Variants in CDH18 observed in about 807,000 individuals in gnomAD.
The protein encoded by CDH18 is cadherin 18.
CDH18 carries 31 observed loss-of-function variants against 67.9 expected under a neutral mutation model. The observed-to-expected ratio is 0.46, with a 90% CI of 0.34 to 0.62. The LOEUF (loss-of-function observed/expected upper bound fraction) is 0.62. Ranked by LOEUF, CDH18 falls within the 20% of genes least tolerant of loss-of-function variation. CDH18 has a pLI of 0.01. For missense variants in CDH18, 890 were observed against 975.5 expected, an observed-to-expected ratio of 0.91 and a Z score of 1.17; for synonymous variants, 362 against 347.2, an observed-to-expected ratio of 1.04 and a Z score of -0.48.
chr5:20,396,142 G>A (rs1046847016), intron 1 of CDH18, among the ~76,000 whole-genome samples: 1 of 152,174 alleles, frequency 6.6e-6, no homozygotes, highest in African/African-American at 2.4e-5. Context: ...AGAAGTACAG[G>A]TCACAACCTG....
intron 2 of CDH18, among the ~76,000 whole-genome samples, chr5:20,248,178 A>C (rs1016421867): frequency 6.6e-6 from 1 of 152,232 alleles, no homozygotes; most frequent in African/African-American, 2.4e-5. Flanking sequence ...GACTTAAAAT[A>C]CTGAGGTGAT....
At chr5:19,583,873 T>C (rs1743674992) in intron 7 of CDH18, among the ~76,000 whole-genome samples, 1 of 152,196 alleles carries the variant, frequency 6.6e-6, no homozygotes, top group Admixed American at 6.5e-5. Context: ...TCTTCAAGCA[T>C]CCTTTGTTGA....
At chr5:19,737,115 G>A (rs773840892) in intron 4 of CDH18, among the ~76,000 whole-genome samples, 3 of 152,076 alleles carry the variant, frequency 2.0e-5, no homozygotes, top group Non-Finnish European at 2.9e-5. Flanking sequence ...TTCTCTCTGC[G>A]TGATGTGCCC....
chr5:20,373,123 T>A (rs1205708729), intron 1 of CDH18, among the ~76,000 whole-genome samples: 3 of 152,210 alleles, frequency 2.0e-5, no homozygotes, highest in African/African-American at 7.2e-5. Context: ...CTCACCTTAG[T>A]CAAAGTTATA....
intron 1 of CDH18, among the ~76,000 whole-genome samples, chr5:20,271,924 CAG>C (rs201955881): frequency 4.5e-3 from 656 of 146,142 alleles, no homozygotes; most frequent in African/African-American, 5.7e-3. Flanking sequence ...TGTAGAGAGG[CAG>C]AGAGAGAGAG....
intron 2 of CDH18, among the ~76,000 whole-genome samples, chr5:20,242,636 A>ATATATATATATTTATATATATATG: frequency 1.7e-5 from 1 of 58,388 alleles, no homozygotes; most frequent in South Asian, 5.5e-4. Flanking sequence ...ATATATATGT[A>ATATATATATATTTATATATATATG]TATATATATA....
At chr5:20,043,317 T>A (rs1317210146) in intron 2 of CDH18, among the ~76,000 whole-genome samples, 2 of 152,158 alleles carry the variant, frequency 1.3e-5, no homozygotes, top group Non-Finnish European at 2.9e-5. Context: ...TTTCACTAAC[T>A]TCACTGCCAT....
intron 11 of CDH18, among the ~76,000 whole-genome samples, chr5:19,491,770 T>C (rs1679458916): frequency 1.3e-5 from 2 of 151,974 alleles, no homozygotes; most frequent in Admixed American, 1.3e-4. Flanking sequence ...CTTATAAATG[T>C]TATGATCATT....
chr5:19,911,108 G>A lies in CDH18; in HGVS notation c.-257+69952C>T, dbSNP rs1381108212. On this transcript the variant is annotated intron_variant, in intron 2 of 12. Coordinates refer to ENST00000382275, the MANE Select transcript of CDH18 (RefSeq NM_004934.5). ...ATGGCTGCCACTGAAAGAGCAAGGA[G>A]TTAGGTGGAGAGGGTAAGTTGGGCA... Among the ~76,000 whole-genome samples, 6 of 152,268 alleles carry A rather than the reference G, an allele frequency of 3.9e-5. No individual in the cohort carries two copies. In the South Asian group the frequency reaches 8.3e-4, roughly 21 times the overall value.
chr5:20,208,465 T>A (rs1337219568), intron 2 of CDH18, among the ~76,000 whole-genome samples: 2 of 151,750 alleles, frequency 1.3e-5, no homozygotes. Flanking sequence ...CAATATACAA[T>A]CCGGAGAGGA....
At chr5:19,994,961 C>A (rs1368618084) in intron 2 of CDH18, among the ~76,000 whole-genome samples, 1 of 149,362 alleles carries the variant, frequency 6.7e-6, no homozygotes, top group African/African-American at 2.5e-5. Context: ...AAGCTGGAGG[C>A]CTAGGAAAGC....
intron 7 of CDH18, among the ~76,000 whole-genome samples, chr5:19,583,844 A>T (rs535521422): frequency 6.6e-6 from 1 of 152,274 alleles, no homozygotes; most frequent in African/African-American, 2.4e-5. Flanking sequence ...TTTATATTTC[A>T]TTTTACAGTA....
At chr5:20,554,559 C>T (rs1757800619) in intron 1 of CDH18, among the ~76,000 whole-genome samples, 1 of 152,162 alleles carries the variant, frequency 6.6e-6, no homozygotes, top group Admixed American at 6.5e-5. Flanking sequence ...TTTTATATCT[C>T]CATCAATGAT....
intron 6 of CDH18, among the ~76,000 whole-genome samples, chr5:19,608,691 G>A (rs1378968298): frequency 2.6e-5 from 4 of 151,724 alleles, no homozygotes; most frequent in Non-Finnish European, 5.9e-5. Context: ...GCAGTCACAA[G>A]TGAGTTTACG....
At chr5:20,036,206 G>T (rs571816652) in intron 2 of CDH18, among the ~76,000 whole-genome samples, 1 of 152,010 alleles carries the variant, frequency 6.6e-6, no homozygotes, top group Middle Eastern at 3.2e-3. Context: ...TTCACCAGGT[G>T]AACTTTAACA....
intron 1 of CDH18, among the ~76,000 whole-genome samples, chr5:20,370,328 CTAAT>C (rs543646311): frequency 5.3e-5 from 8 of 152,074 alleles, no homozygotes; most frequent in South Asian, 4.2e-4. Context: ...TATCATATGA[CTAAT>C]TGATTTATGT....
chr5:20,467,937 T>A (rs1751760311), intron 1 of CDH18, among the ~76,000 whole-genome samples: 1 of 152,016 alleles, frequency 6.6e-6, no homozygotes, highest in Admixed American at 6.6e-5. Flanking sequence ...TTTTCTTTAC[T>A]TACTTTTTAT....
intron 5 of CDH18, among the ~76,000 whole-genome samples, chr5:19,659,269 T>C (rs114418369): frequency 2.5e-3 from 380 of 152,240 alleles, no homozygotes; most frequent in African/African-American, 8.9e-3. Flanking sequence ...CACAAGTGCC[T>C]TTCTCAATGC....
intron 12 of CDH18, among the ~76,000 whole-genome samples, chr5:19,480,215 C>G (rs1739168102): frequency 2.0e-5 from 3 of 152,050 alleles, no homozygotes; most frequent in Admixed American, 2.0e-4. Flanking sequence ...TAGAGAGATC[C>G]AGGGTAATTG....
Sources: allele counts gnomAD v4.1 joint callset (sites outside exome capture counted in the v4.1 genomes callset), GRCh38; gene constraint gnomAD v4.1.1; transcripts MANE v1.5; gene names NCBI Gene and HGNC (gene_info 2026-07-23, HGNC 2026-07-21).